The following MYZAP variants were observed in gnomAD, a reference collection of about 807,000 sequenced individuals.
The protein encoded by MYZAP is GRINL1A complex locus upstream.
MYZAP carries 66 observed loss-of-function variants against 69.4 expected under a neutral mutation model. The observed-to-expected ratio is 0.95, with a 90% CI of 0.78 to 1.17. The LOEUF is 1.17. Among genes scored for constraint, MYZAP ranks in the 50% most tolerant of loss-of-function variants. The probability of loss-of-function intolerance (pLI) is 0.00; values close to 1 mark genes in which losing one functional copy is unlikely to be tolerated. For synonymous variants in MYZAP, 256 were observed against 205.9 expected (o/e 1.24, Z -2.09); for missense variants, 611 against 556.2 (o/e 1.10, Z -0.99).
At chr15:57,608,420 C>T (rs1392641741) in intron 2 of MYZAP, among the ~76,000 whole-genome samples, 3 of 152,230 alleles carry the variant, frequency 2.0e-5, no homozygotes, top group Non-Finnish European at 4.4e-5. Flanking sequence ...GCAATTACAA[C>T]AGAGTCAGCA....
At chr15:57,610,093 A>G (rs1276802161) in intron 2 of MYZAP, among the ~76,000 whole-genome samples, 1 of 152,184 alleles carries the variant, frequency 6.6e-6, no homozygotes, top group Non-Finnish European at 1.5e-5. Flanking sequence ...AATAGATAAA[A>G]TAGCTTGAGG....
intron 10 of MYZAP, among the ~76,000 whole-genome samples, chr15:57,643,688 C>T (rs139267555): frequency 2.8e-4 from 42 of 150,766 alleles, no homozygotes; most frequent in African/African-American, 9.5e-4. Flanking sequence ...TGCCAATGGG[C>T]AGGGATATTG....
At chr15:57,640,600 T>G (rs558184643) in intron 10 of MYZAP, among the ~76,000 whole-genome samples, 1 of 152,348 alleles carries the variant, frequency 6.6e-6, no homozygotes, top group South Asian at 2.1e-4. Flanking sequence ...AAGATTAAAA[T>G]ATATCTATTT....
intron 8 of MYZAP, 49 bp from the exon 9 acceptor site, chr15:57,637,646 G>A (rs1410790403): frequency 1.9e-6 from 3 of 1,589,504 alleles, no homozygotes; most frequent in Non-Finnish European, 2.6e-6. Context: ...GACATTCTCT[G>A]TCAAACTTGG....
chr15:57,660,730 C>A (rs187572590), intron 10 of MYZAP, among the ~76,000 whole-genome samples: 1 of 152,276 alleles, frequency 6.6e-6, no homozygotes, highest in East Asian at 1.9e-4. Flanking sequence ...ATGCATAACA[C>A]GGCCTGGTAC....
At chr15:57,653,354 G>A (rs2037822184) in intron 10 of MYZAP, among the ~76,000 whole-genome samples, 1 of 152,092 alleles carries the variant, frequency 6.6e-6, no homozygotes. Flanking sequence ...TAGAAATCCA[G>A]GGAAATGGTG....
intron 12 of MYZAP, among the ~76,000 whole-genome samples, chr15:57,678,476 G>A (rs1487703804): frequency 6.6e-6 from 1 of 152,156 alleles, no homozygotes; most frequent in African/African-American, 2.4e-5. Flanking sequence ...CCCAAACTCT[G>A]ATTTTCTATG....
intron 11 of MYZAP, among the ~76,000 whole-genome samples, chr15:57,662,017 G>T (rs2038335793): frequency 6.6e-6 from 1 of 152,200 alleles, no homozygotes. Flanking sequence ...CAGGCTGAAA[G>T]ACTCCTAAAT....
chr15:57,654,437 G>A (rs188329267), intron 10 of MYZAP, among the ~76,000 whole-genome samples: 64 of 152,224 alleles, frequency 4.2e-4, no homozygotes, highest in African/African-American at 1.5e-3. Flanking sequence ...TATATGCTCT[G>A]TATTGGTGTG....
chr15:57,677,263 G>A (rs752397314), intron 12 of MYZAP, among the ~76,000 whole-genome samples: 1 of 152,216 alleles, frequency 6.6e-6, no homozygotes, highest in Non-Finnish European at 1.5e-5. Context: ...GAGAAAGTCA[G>A]CTTTTAGTTT....
chr15:57,639,658 T>C, intron 10 of MYZAP, 113 bp downstream of exon 10: 7 of 1,200,228 alleles, frequency 5.8e-6, no homozygotes, highest in Non-Finnish European at 5.9e-6. Context: ...GCCGAGGTGC[T>C]CAGGCCACTG....
chr15:57,664,073 T>TA (rs1466557807), intron 11 of MYZAP, among the ~76,000 whole-genome samples: 1 of 150,784 alleles, frequency 6.6e-6, no homozygotes, highest in Non-Finnish European at 1.5e-5. Flanking sequence ...TGTTCTTGTT[T>TA]TTTTTTTTTT....
At position 57,646,727 on chromosome 15, in the gene MYZAP, C is replaced by G. The variant is rs1444701232; in HGVS notation, c.1119+7182C>G. 4.1e-6 allele frequency: 4 copies of G among 986,284 alleles called. No homozygotes were observed. In the African/African-American group the frequency reaches 7.0e-5, roughly 17 times the overall value. 61.1% of individuals were successfully genotyped at this position (986,284 alleles called of 1,614,324 possible). On this transcript the variant is annotated intron_variant, in intron 10 of 12. Coordinates refer to ENST00000267853, the MANE Select transcript of MYZAP (RefSeq NM_001018100.5). ...GGAGGTGGCCCTGAAGGTGTCCTTCCTGAATGGATATCAATACTCATCTTA... is the reference window on the plus strand; with the variant it reads ...GGAGGTGGCCCTGAAGGTGTCCTTCGTGAATGGATATCAATACTCATCTTA...
At chr15:57,639,857 A>G (rs1250326720) in intron 10 of MYZAP, among the ~76,000 whole-genome samples, 1 of 152,290 alleles carries the variant, frequency 6.6e-6, no homozygotes, top group South Asian at 2.1e-4. Context: ...AGGGGACCCA[A>G]GGGGGTGATG....
chr15:57,637,644 C>T lies in MYZAP; in HGVS notation c.934-51C>T, dbSNP rs376724574. 11 of 1,584,936 alleles carry T rather than the reference C, an allele frequency of 6.9e-6. No homozygotes were observed. The African/African-American group carries it at 1.5e-4, about 21-fold the overall frequency. On this transcript the variant is annotated intron_variant, in intron 8 of 12. Coordinates refer to ENST00000267853, the MANE Select transcript of MYZAP (RefSeq NM_001018100.5). ...GCTAGAATTGCTAAATAGACATTCT[C>T]TGTCAAACTTGGGATCCATTGATTA...
intron 10 of MYZAP, chr15:57,648,108 GTAT>G (rs1225796861): frequency 7.2e-6 from 6 of 834,288 alleles, no homozygotes. Context: ...GTTTAGCATG[GTAT>G]TATTCCTTAT....
At chr15:57,596,309 A>G (rs2034054574) in intron 1 of MYZAP, among the ~76,000 whole-genome samples, 1 of 152,202 alleles carries the variant, frequency 6.6e-6, no homozygotes, top group Admixed American at 6.5e-5. Context: ...AGCCCTGGTC[A>G]CTGGGGAAGG....
chr15:57,664,336 G>A (rs1207232188), intron 11 of MYZAP, among the ~76,000 whole-genome samples: 3 of 152,122 alleles, frequency 2.0e-5, no homozygotes, highest in Non-Finnish European at 2.9e-5. Context: ...AAAAACTTAT[G>A]CATTCTTTAT....
intron 7 of MYZAP, 87 bp downstream of exon 7, chr15:57,632,646 T>C: frequency 1.3e-6 from 2 of 1,556,178 alleles, no homozygotes; most frequent in Non-Finnish European, 1.7e-6. Flanking sequence ...GTGTTTATTC[T>C]TAGAGGTGGG....
Sources: allele counts gnomAD v4.1 joint callset (sites outside exome capture counted in the v4.1 genomes callset), GRCh38; gene constraint gnomAD v4.1.1; transcripts MANE v1.5; gene names NCBI Gene and HGNC (gene_info 2026-07-23, HGNC 2026-07-21).